KIF17: variants seen among roughly 807,000 people sequenced by gnomAD.
KIF17 encodes the protein kinesin family member 17.
KIF17 carries 80 observed loss-of-function variants against 96.8 expected under a neutral mutation model. The ratio of observed to expected loss-of-function variants is 0.83; its 90% confidence interval spans 0.69 to 1.00. The LOEUF is 1.00. Ranked by LOEUF, KIF17 falls within the 50% of genes least tolerant of loss-of-function variation. KIF17 has a pLI of 0.00. For synonymous variants in KIF17, 567 were observed against 587.5 expected (o/e 0.97, Z 0.51); for missense variants, 1,280 against 1,372.9 (o/e 0.93, Z 1.07).
intron 8 of KIF17, 111 bp from the exon 9 acceptor site, chr1:20,686,237 C>T (rs115647537): frequency 1.2e-6 from 1 of 823,062 alleles, no homozygotes; most frequent in Non-Finnish European, 2.1e-6. Flanking sequence ...CCACCACCCC[C>T]CAACCTCCCC....
At chr1:20,695,122 A>G (rs1210556306) in intron 6 of KIF17, among the ~76,000 whole-genome samples, 1 of 136,428 alleles carries the variant, frequency 7.3e-6, no homozygotes, top group African/African-American at 2.7e-5. Flanking sequence ...ACACGCATAC[A>G]CACACGCACA....
chr1:20,665,332 A>AT (rs2053508420), intron 14 of KIF17, among the ~76,000 whole-genome samples: 1 of 144,112 alleles, frequency 6.9e-6, no homozygotes, highest in African/African-American at 2.6e-5. Flanking sequence ...AGTTCAAGCA[A>AT]TTCTCATGCC....
chr1:20,688,826 G>T (rs1255998164), intron 7 of KIF17, among the ~76,000 whole-genome samples: 1 of 152,170 alleles, frequency 6.6e-6, no homozygotes, highest in Non-Finnish European at 1.5e-5. Flanking sequence ...ACTCCAAAGG[G>T]CATAAAATGC....
rs1055036974 is a variant in KIF17, at chr1:20,684,935, G to T, written c.2105C>A (p.Ala702Asp). ...GVWLEAQAPV[A>D]LVAQPEPLPA... is the part of the protein sequence containing the mutation. The stretch of plus-strand genomic sequence containing the variant: ...CAGGGGCTCAGGCTGAGCCACCAGG[G>T]CCACCGGGGCCTGAGCCTCCAACCA... The change falls in exon 10 of 15, where the codon GCC becomes GAC. Residue 702 changes from alanine to aspartate, a missense_variant. By Grantham distance (126) the Ala-to-Asp change is moderately radical. Coordinates refer to ENST00000400463, the MANE Select transcript of KIF17 (RefSeq NM_001122819.3). The T allele has an allele frequency of 1.9e-6, 3 of 1,600,036 alleles. No individual in the cohort carries two copies. The highest frequency in any genetic ancestry group is 2.6e-6 in the Non-Finnish European group (3 of 1,173,938).
intron 11 of KIF17, among the ~76,000 whole-genome samples, chr1:20,674,013 C>T (rs1570435507): frequency 1.3e-5 from 2 of 152,022 alleles, no homozygotes; most frequent in South Asian, 4.2e-4. Context: ...ACTGTGGCCT[C>T]GACGTTCTGG....
intron 4 of KIF17, among the ~76,000 whole-genome samples, chr1:20,707,732 T>G (rs997864454): frequency 4.7e-5 from 7 of 147,548 alleles, no homozygotes; most frequent in Non-Finnish European, 1.0e-4. Context: ...ATTGCACCAC[T>G]GCACTCCAGC....
At chr1:20,692,619 A>T (rs1286587337) in intron 6 of KIF17, 1 of 151,634 alleles carries the variant, frequency 6.6e-6, no homozygotes, top group Non-Finnish European at 1.5e-5. Context: ...TTCTTAACAC[A>T]CTTCCTGAGC....
rs2053957866 is a variant in KIF17 at position 20,687,448 on chromosome 1, G to C, written c.1878C>G (p.Leu626=). 2 of 1,613,880 alleles carry C rather than the reference G, an allele frequency of 1.2e-6. No homozygotes were observed. Among genetic ancestry groups the C allele is most frequent in the Non-Finnish European group, 1.7e-6 (2 of 1,180,042 alleles). Residue 626 remains leucine (L), a synonymous_variant, in exon 8 of 15, where the codon CTC becomes CTG. Coordinates refer to ENST00000400463, the MANE Select transcript of KIF17 (RefSeq NM_001122819.3). The surrounding 1 kb of genome is among the most constrained non-coding windows in gnomAD (Gnocchi z 4.4). ...FAEVEAKLAR[L]SSTVARTDAP... is the part of the protein sequence containing the mutation. ...CATCTGTCCTGGCCACGGTGGAGGA[G>C]AGTCTGGCCAGCTTGGCTTCCACCT...
At chr1:20,663,159 G>A (rs2053466704), downstream of KIF17, among the ~76,000 whole-genome samples, 3 of 152,304 alleles carry the variant, frequency 2.0e-5, no homozygotes, top group Middle Eastern at 6.8e-3. Context: ...AGGAGGTGGA[G>A]GCTTCAGTGA....
intron 1 of KIF17, among the ~76,000 whole-genome samples, chr1:20,716,170 C>T (rs2054574095): frequency 1.3e-5 from 2 of 151,616 alleles, no homozygotes; most frequent in Admixed American, 6.6e-5. Flanking sequence ...ATTTATTGAA[C>T]CCAGGAGATT....
intron 3 of KIF17, among the ~76,000 whole-genome samples, chr1:20,712,497 C>G (rs1160582114): frequency 1.4e-5 from 2 of 140,000 alleles, no homozygotes; most frequent in Non-Finnish European, 3.1e-5. Context: ...GAGTTCGAAG[C>G]CAGCTTGGGC....
In KIF17 at chr1:20,690,352, G is replaced by GCCCCA; in HGVS notation, c.1234-18_1234-17insTGGGG. 9.8e-5 allele frequency: 44 copies of GCCCCA among 450,938 alleles called. No homozygotes were observed. The highest frequency in any genetic ancestry group is 1.7e-4 in the Non-Finnish European group (40 of 234,962). The allele number at this position is 450,938 out of a possible 1,614,324, so 27.9% of individuals were successfully genotyped here. A position where few individuals can be genotyped will look rare whatever the true frequency, so the allele number is the denominator to read the frequency against. Reference sequence around the variant, plus strand: ...TTCATACTCCTGGGGGGGTGGGAGGGACCAGAGGGCAGGCAGCATTTTATC... The same window carrying GCCCCA: ...TTCATACTCCTGGGGGGGTGGGAGGGCCCCAACCAGAGGGCAGGCAGCATTTTATC... On this transcript the variant is annotated splice_polypyrimidine_tract_variant and intron_variant, in intron 6 of 14. Coordinates refer to ENST00000400463, the MANE Select transcript of KIF17 (RefSeq NM_001122819.3).
rs757514821 is a variant in KIF17, at chr1:20,686,035, G to C, written c.2019+11C>G. On this transcript the variant is annotated intron_variant, in intron 9 of 14. Transcript: ENST00000400463. ...CCCGTCCCCCACATGGAGGCCCGGG[G>C]AGGTACTCACAGGCCTGGGCGGGAA... 1.3e-6 allele frequency: 2 copies of C among 1,550,964 alleles called. No homozygotes were observed. Among genetic ancestry groups the C allele is most frequent in the South Asian group, 1.2e-5 (1 of 84,128 alleles).
chr1:20,717,305 A>C (rs1398349151), intron 1 of KIF17, 171 bp downstream of exon 1: 4 of 672,400 alleles, frequency 5.9e-6, no homozygotes, highest in African/African-American at 5.5e-5. Context: ...CATTAGAGGC[A>C]GGCTCTGGTT....
intron 8 of KIF17, 188 bp from the exon 9 acceptor site, chr1:20,686,314 G>C (rs2053938119): frequency 1.5e-6 from 1 of 646,652 alleles, no homozygotes; most frequent in African/African-American, 1.8e-5. Context: ...AGGGAAGAGA[G>C]GAAACGGAAG....
At chr1:20,710,720 A>G (rs1286340212) in intron 3 of KIF17, among the ~76,000 whole-genome samples, 1 of 151,738 alleles carries the variant, frequency 6.6e-6, no homozygotes, top group Non-Finnish European at 1.5e-5. Flanking sequence ...GCTGTGGGAG[A>G]GGCGTGGGTG....
chr1:20,696,288 T>C (rs909873891), intron 6 of KIF17, among the ~76,000 whole-genome samples: 4 of 151,824 alleles, frequency 2.6e-5, no homozygotes, highest in South Asian at 2.1e-4. Context: ...CCCAGGAGCA[T>C]AGCAGGTGCT....
At chr1:20,665,777 G>C (rs2053516130) in intron 14 of KIF17, among the ~76,000 whole-genome samples, 1 of 152,238 alleles carries the variant, frequency 6.6e-6, no homozygotes, top group African/African-American at 2.4e-5. Context: ...ATAAAATGAA[G>C]TGATGCTTAA....
At position 20,703,515 on chromosome 1, in the gene KIF17, G is replaced by C. The variant is rs1427683804; in HGVS notation, c.1123+932C>G. Among the ~76,000 whole-genome samples, 5 of 151,464 alleles carry C rather than the reference G, an allele frequency of 3.3e-5. No homozygotes were observed. In the South Asian group the frequency reaches 1.1e-3, roughly 32 times the overall value. On this transcript the variant is annotated intron_variant, in intron 5 of 14. Coordinates refer to ENST00000400463, the MANE Select transcript of KIF17 (RefSeq NM_001122819.3). ...GGATGGATGCATGGATGGATGGATG[G>C]ATGGATGGATGGATAGATGTATAGG...
Sources: gnomAD v4.1 joint callset for allele counts (sites outside exome capture counted in the v4.1 genomes callset) on GRCh38, gnomAD v4.1.1 for gene constraint, Gnocchi (gnomAD v3.1) non-coding constraint, MANE v1.5 for transcripts, NCBI Gene and HGNC (gene_info 2026-07-23, HGNC 2026-07-21) for gene names.